The following NRG1 variants were observed in gnomAD, a reference collection of about 807,000 sequenced individuals.
NRG1 encodes pro-neuregulin-1, membrane-bound isoform.
Under a neutral mutation model 63.8 loss-of-function variants are expected in NRG1, and 18 were observed. The ratio of observed to expected loss-of-function variants is 0.28; its 90% confidence interval spans 0.19 to 0.42. NRG1 has a LOEUF of 0.42. Ranked by LOEUF, NRG1 falls within the 10% of genes least tolerant of loss-of-function variation. The pLI, the probability that NRG1 is intolerant of heterozygous loss-of-function variation, is 1.00. For synonymous variants in NRG1, 302 were observed against 301.3 expected (o/e 1.00, Z -0.02); for missense variants, 762 against 814.7 (o/e 0.94, Z 0.79).
intron 5 of NRG1, chr8:32,647,668 C>T (rs377497653): frequency 1.3e-6 from 2 of 1,504,310 alleles, no homozygotes; most frequent in African/African-American, 2.8e-5. Context: ...GGGGCCTCTG[C>T]GTGGTAATGG....
At chr8:32,141,507 A>G (rs1836249942) in intron 1 of NRG1, among the ~76,000 whole-genome samples, 1 of 145,942 alleles carries the variant, frequency 6.9e-6, no homozygotes, top group African/African-American at 2.5e-5. Context: ...CATTTGTCAG[A>G]TGTGAGATAG....
At chr8:32,280,418 T>C (rs1852577060) in intron 1 of NRG1, among the ~76,000 whole-genome samples, 1 of 152,174 alleles carries the variant, frequency 6.6e-6, no homozygotes, top group Admixed American at 6.5e-5. Flanking sequence ...GCTTTACTGC[T>C]CCAAAAATTT....
chr8:32,345,950 G>T (rs915116913), intron 1 of NRG1, among the ~76,000 whole-genome samples: 1 of 151,840 alleles, frequency 6.6e-6, no homozygotes, highest in Non-Finnish European at 1.5e-5. Context: ...AGAAGTTGCA[G>T]TGAGCCAAGA....
chr8:31,689,479 CTTT>C (rs1161106151), intron 1 of NRG1, among the ~76,000 whole-genome samples: 1 of 152,186 alleles, frequency 6.6e-6, no homozygotes, highest in Non-Finnish European at 1.5e-5. Flanking sequence ...GAGGAAGTGG[CTTT>C]TCTAAACAAG....
chr8:31,931,910 G>T (rs1256608182), intron 1 of NRG1, among the ~76,000 whole-genome samples: 4 of 152,178 alleles, frequency 2.6e-5, no homozygotes, highest in African/African-American at 9.7e-5. Flanking sequence ...ATGTGAAGGA[G>T]CACTGCTCTA....
intron 1 of NRG1, among the ~76,000 whole-genome samples, chr8:32,586,820 A>C (rs1254807401): frequency 1.3e-5 from 2 of 152,186 alleles, no homozygotes; most frequent in South Asian, 2.1e-4. Flanking sequence ...AATTTTGCGG[A>C]TATGTAGTGA....
At chr8:32,193,321 T>TGC (rs1842671731) in intron 1 of NRG1, among the ~76,000 whole-genome samples, 1 of 151,818 alleles carries the variant, frequency 6.6e-6, no homozygotes, top group African/African-American at 2.4e-5. Flanking sequence ...TGTGTGTGTG[T>TGC]GTGTGTGTGT....
chr8:32,133,315 G>A (rs1055930637), intron 1 of NRG1, among the ~76,000 whole-genome samples: 4 of 152,080 alleles, frequency 2.6e-5, no homozygotes, highest in African/African-American at 9.7e-5. Flanking sequence ...TGGGTATGGA[G>A]AAGTCCCTGA....
chr8:31,730,974 T>C (rs1290410526), intron 1 of NRG1, among the ~76,000 whole-genome samples: 1 of 152,122 alleles, frequency 6.6e-6, no homozygotes, highest in Non-Finnish European at 1.5e-5. Context: ...AACATAGTTT[T>C]TTTCTTTTTG....
chr8:31,917,129 C>T (rs4329235), intron 1 of NRG1, among the ~76,000 whole-genome samples: 34,856 of 72,110 alleles, frequency 0.48, 9,597 homozygotes, highest in East Asian at 0.84. Flanking sequence ...GAATAGGTTG[C>T]GAAAATTTTC....
At chr8:31,961,956 C>T (rs775697968) in intron 1 of NRG1, among the ~76,000 whole-genome samples, 1 of 150,976 alleles carries the variant, frequency 6.6e-6, no homozygotes, top group South Asian at 2.1e-4. Flanking sequence ...TATATTTTAT[C>T]CATATCTGTT....
intron 1 of NRG1, among the ~76,000 whole-genome samples, chr8:32,016,797 A>C (rs1815622601): frequency 6.6e-6 from 1 of 152,148 alleles, no homozygotes; most frequent in South Asian, 2.1e-4. Flanking sequence ...TTAAGCGAGG[A>C]TTTGGGAGAT....
chr8:31,915,268 TAG>T (rs1833285169), intron 1 of NRG1, among the ~76,000 whole-genome samples: 1 of 152,110 alleles, frequency 6.6e-6, no homozygotes, highest in Non-Finnish European at 1.5e-5. Flanking sequence ...ACCTTGTATA[TAG>T]TTATTTTTCC....
At chr8:31,864,459 C>G (rs1367778492) in intron 1 of NRG1, among the ~76,000 whole-genome samples, 1 of 152,074 alleles carries the variant, frequency 6.6e-6, no homozygotes, top group African/African-American at 2.4e-5. Context: ...GGTGTTTGAA[C>G]TGAAATCTGA....
At chr8:32,483,727 T>C (rs577975048) in intron 1 of NRG1, among the ~76,000 whole-genome samples, 1 of 152,266 alleles carries the variant, frequency 6.6e-6, no homozygotes, top group South Asian at 2.1e-4. Context: ...AGAGGGGATG[T>C]GGGTGGGCAG....
In NRG1 at chr8:31,822,511, T is replaced by C. The variant is rs191109629; in HGVS notation, c.37+183080T>C. 5.4e-4 allele frequency among the ~76,000 whole-genome samples: 82 copies of C among 152,292 alleles called. 1 individual carries two copies. Among genetic ancestry groups the C allele is most frequent in the African/African-American group, 1.9e-3 (78 of 41,576 alleles). Reference sequence around the variant, plus strand: ...CCTGATGCCTATAGGTTGAGGAAATTGTGTATTTGTGAATAGTAATAGCAC... The same window carrying C: ...CCTGATGCCTATAGGTTGAGGAAATCGTGTATTTGTGAATAGTAATAGCAC... On this transcript the variant is annotated intron_variant, in intron 1 of 10. Coordinates refer to the NRG1 transcript ENST00000519301.
chr8:32,156,620 T>A (rs1838101571), intron 1 of NRG1, among the ~76,000 whole-genome samples: 1 of 152,190 alleles, frequency 6.6e-6, no homozygotes, highest in African/African-American at 2.4e-5. Flanking sequence ...CCCTCATATA[T>A]GTGGTTGGAA....
At chr8:31,991,286 A>ACTTCTT (rs747670093) in intron 1 of NRG1, among the ~76,000 whole-genome samples, 2 of 151,326 alleles carry the variant, frequency 1.3e-5, no homozygotes, top group Non-Finnish European at 3.0e-5. Context: ...GACGACAACA[A>ACTTCTT]CTTCTTCTTC....
chr8:32,271,634 C>A (rs1851557679), intron 1 of NRG1, among the ~76,000 whole-genome samples: 1 of 152,018 alleles, frequency 6.6e-6, no homozygotes, highest in Non-Finnish European at 1.5e-5. Context: ...CTGGTGAACC[C>A]CCCACACCAA....
Sources: gnomAD v4.1 joint callset for allele counts (sites outside exome capture counted in the v4.1 genomes callset) on GRCh38, gnomAD v4.1.1 for gene constraint, MANE v1.5 for transcripts, NCBI Gene and HGNC (gene_info 2026-07-23, HGNC 2026-07-21) for gene names.